Variants in C5 observed in about 807,000 individuals in gnomAD.
The protein encoded by C5 is C3 and PZP-like alpha-2-macroglobulin domain-containing protein 4.
A neutral mutation model predicts 218.8 loss-of-function variants in C5; 140 were observed. That is an observed-to-expected ratio of 0.64 (90% CI 0.56 to 0.74). The LOEUF is 0.74. Among genes scored for constraint, C5 ranks in the 30% least tolerant of loss-of-function variants. C5 has a pLI of 0.00. For synonymous variants in C5, 614 were observed against 682.3 expected (o/e 0.90, Z 1.56); for missense variants, 1,700 against 1,969.6 (o/e 0.86, Z 2.59).
chr9:120,986,398 T>C (rs1028322801), intron 25 of C5, among the ~76,000 whole-genome samples: 2 of 152,060 alleles, frequency 1.3e-5, no homozygotes, highest in African/African-American at 4.8e-5. Context: ...TAAAAAATGT[T>C]CATCATCATC....
intron 30 of C5, among the ~76,000 whole-genome samples, chr9:120,972,952 T>C (rs903077107): frequency 6.6e-6 from 1 of 152,212 alleles, no homozygotes; most frequent in Non-Finnish European, 1.5e-5. Flanking sequence ...CAAATAAGTT[T>C]GGGAAATGCT....
chr9:121,006,875 A>C, intron 19 of C5, 29 bp downstream of exon 19: 1 of 1,385,050 alleles, frequency 7.2e-7, no homozygotes. Flanking sequence ...ATCACTATTT[A>C]AATGCATATA....
At position 121,013,927 on chromosome 9, in the gene C5, C is replaced by A. The variant is rs1469106127; in HGVS notation, c.2203G>T (p.Ala735Ser). ...GAGATATTAGCACGGAGCTGGCTTG[C>A]GACGACACAACATTCAGTGAAAGCT... ...IKAFTECCVV[A>S]SQLRANISHK... Residue 735 changes from alanine to serine, a missense_variant, in exon 17 of 41, where the codon GCA (alanine) becomes TCA (serine). Transcript: ENST00000223642. The A allele has an allele frequency of 1.9e-6, 3 of 1,614,114 alleles. No homozygotes were observed. The highest frequency in any genetic ancestry group is 1.3e-5 in the African/African-American group (1 of 75,018).
intron 33 of C5, among the ~76,000 whole-genome samples, chr9:120,968,156 T>C (rs895890143): frequency 1.2e-4 from 18 of 152,176 alleles, no homozygotes; most frequent in African/African-American, 4.1e-4. Flanking sequence ...ACTTTACAGA[T>C]GTGATTAAAT....
chr9:120,996,141 A>G, intron 22 of C5, 99 bp downstream of exon 22: 1 of 969,762 alleles, frequency 1.0e-6, no homozygotes. Flanking sequence ...TACTGATTTT[A>G]GACAATTCAC....
At chr9:121,002,917 G>A (rs975531342) in intron 20 of C5, among the ~76,000 whole-genome samples, 1 of 152,202 alleles carries the variant, frequency 6.6e-6, no homozygotes, top group East Asian at 1.9e-4. Context: ...ATGGTGGCAT[G>A]ATTCATAGGA....
intron 21 of C5, 69 bp downstream of exon 21, chr9:120,997,478 T>C: frequency 1.8e-6 from 2 of 1,125,606 alleles, no homozygotes; most frequent in Admixed American, 1.9e-5. Context: ...ATTGTTTCTC[T>C]CCCCCCCCTT....
At chr9:120,977,180 A>G (rs1462268976) in intron 28 of C5, among the ~76,000 whole-genome samples, 1 of 152,148 alleles carries the variant, frequency 6.6e-6, no homozygotes, top group Non-Finnish European at 1.5e-5. Context: ...CAGGTGGGTA[A>G]TTTCACCCCT....
At chr9:121,067,576 A>G in the C5 span, among the ~76,000 whole-genome samples, 4 of 152,062 alleles carry the variant, frequency 2.6e-5, no homozygotes, top group South Asian at 8.3e-4. Context: ...TAAAAAAAAA[A>G]AAAAAAAGAG....
the C5 span, among the ~76,000 whole-genome samples, chr9:121,062,602 C>T: frequency 6.6e-6 from 1 of 152,142 alleles, no homozygotes; most frequent in Admixed American, 6.5e-5. Context: ...ATGTCAAGAA[C>T]ATGAGAAAAT....
chr9:120,981,034 TC>T (rs1433110285), intron 27 of C5, among the ~76,000 whole-genome samples: 1 of 152,212 alleles, frequency 6.6e-6, no homozygotes, highest in East Asian at 1.9e-4. Context: ...TACTTTTAGA[TC>T]CTAAGAATGC....
chr9:121,043,066 G>A lies in C5; in HGVS notation c.359C>T (p.Thr120Ile), dbSNP rs761174155. 1.2e-6 allele frequency: 2 copies of A among 1,612,828 alleles called. No individual in the cohort carries two copies. The highest frequency in any genetic ancestry group is 1.1e-5 in the South Asian group (1 of 91,060). ...AATGAAGAGAAATCCATTGTCATAGGTTATTGGCATTCTTTTTGATTTTGA... is the reference window on the plus strand; with the variant it reads ...AATGAAGAGAAATCCATTGTCATAGATTATTGGCATTCTTTTTGATTTTGA... Reference protein sequence around the residue: ...HFSKSKRMPITYDNGFLFIHT... With the variant: ...HFSKSKRMPIIYDNGFLFIHT... Residue 120 changes from threonine (T) to isoleucine (I), a missense_variant, in exon 3 of 41, where the codon ACC becomes ATC. Transcript: ENST00000223642.
chr9:120,974,828 A>C lies in C5; in HGVS notation c.3968T>G (p.Leu1323Ter). ...IDVSYKHKGA[L>*]HNYKMTDKNF... ...CTTGTCTGTCATTTTATAATTATGT[A>C]AGGCACCTTTATGCTTGTAAGAAAC... Residue 1323 changes from leucine (L) to a stop codon, truncating the protein, a stop_gained, in exon 30 of 41, where the codon TTA (leucine) becomes TGA (stop). Transcript: ENST00000223642. LOFTEE classifies it high-confidence loss of function. The C allele has an allele frequency of 6.2e-7, 1 of 1,613,998 alleles. No individual in the cohort carries two copies. Among genetic ancestry groups the C allele is most frequent in the Non-Finnish European group, 8.5e-7 (1 of 1,179,822 alleles).
chr9:121,006,660 T>G (rs140474693), intron 19 of C5, among the ~76,000 whole-genome samples: 2 of 151,408 alleles, frequency 1.3e-5, no homozygotes, highest in African/African-American at 4.9e-5. Flanking sequence ...TTGGACAACA[T>G]AGCGAGACCC....
chr9:121,025,614 G>A lies in C5; in HGVS notation c.874-34C>T, dbSNP rs144620222. The A allele has an allele frequency of 9.0e-5, 144 of 1,599,938 alleles. No homozygotes were observed. The East Asian group carries it at 1.2e-3, about 13-fold the overall frequency. ...AAGGAGAAAAAGGAGGAGTTATTTC[G>A]GAGAAGAACTTATAAGGAAAAATTA... On this transcript the variant is annotated intron_variant, in intron 8 of 40. Coordinates refer to ENST00000223642, the MANE Select transcript of C5 (RefSeq NM_001735.3).
the C5 span, among the ~76,000 whole-genome samples, chr9:121,057,968 A>G: frequency 6.6e-6 from 1 of 152,198 alleles, no homozygotes; most frequent in African/African-American, 2.4e-5. Context: ...GTGTTGTTTG[A>G]AGCATTCTTC....
chr9:120,982,950 C>T (rs1329350305), intron 25 of C5, 136 bp from the exon 26 acceptor site: 1 of 601,262 alleles, frequency 1.7e-6, no homozygotes, highest in Non-Finnish European at 2.9e-6. Flanking sequence ...CATCATTTTA[C>T]AAAGGAAGGG....
At chr9:121,056,053 T>G in the C5 span, among the ~76,000 whole-genome samples, 1 of 152,222 alleles carries the variant, frequency 6.6e-6, no homozygotes, top group Admixed American at 6.5e-5. Context: ...CACCCCCAAG[T>G]GCTGAGATGG....
rs199660150 is a variant in C5, at chr9:120,997,746, C to T, written c.2591G>A (p.Gly864Glu). 9 of 1,613,930 alleles carry T rather than the reference C, an allele frequency of 5.6e-6. No homozygotes were observed. The African/African-American group carries it at 9.3e-5, about 17-fold the overall frequency. The change falls in exon 21 of 41, where the codon GGA becomes GAA. Residue 864 changes from glycine to glutamate, a missense_variant. Transcript: ENST00000223642. ...GACTGGGCTTTCCGAAGTGCAGATT[C>T]CCTCCACAGCAGACATTTTAACACA... ...QFCVKMSAVEGICTSESPVID... is the reference protein window; with the variant it reads ...QFCVKMSAVEEICTSESPVID...
Sources: gnomAD v4.1 joint callset for allele counts (sites outside exome capture counted in the v4.1 genomes callset) on GRCh38, gnomAD v4.1.1 for gene constraint, MANE v1.5 for transcripts, NCBI Gene and HGNC (gene_info 2026-07-23, HGNC 2026-07-21) for gene names.